Variants in MAP7 observed in about 807,000 individuals in gnomAD.
The protein encoded by MAP7 is ensconsin.
A neutral mutation model predicts 94.8 loss-of-function variants in MAP7; 52 were observed. The ratio of observed to expected loss-of-function variants is 0.55; its 90% CI spans 0.44 to 0.69. MAP7 has a LOEUF of 0.69. Among genes scored for constraint, MAP7 ranks in the 30% least tolerant of loss-of-function variants. The pLI is 0.00. For synonymous variants in MAP7, 350 were observed against 357.0 expected (o/e 0.98, Z 0.22); for missense variants, 940 against 964.6 (o/e 0.97, Z 0.34).
intron 1 of MAP7, among the ~76,000 whole-genome samples, chr6:136,469,638 G>C (rs746190459): frequency 1.3e-5 from 2 of 152,006 alleles, no homozygotes; most frequent in Non-Finnish European, 2.9e-5. Context: ...CTCCCGTGTC[G>C]GCCTCCCAAA....
At chr6:136,389,297 T>G in intron 4 of MAP7, 57 bp downstream of exon 4, 1 of 1,497,412 alleles carries the variant, frequency 6.7e-7, no homozygotes. Context: ...TCACAGAAAG[T>G]TTGCTGCATG....
intron 1 of MAP7, among the ~76,000 whole-genome samples, chr6:136,496,498 T>A (rs765304927): frequency 6.6e-6 from 1 of 151,850 alleles, no homozygotes; most frequent in Non-Finnish European, 1.5e-5. Context: ...TTCCACAAGA[T>A]CCTATCAATT....
chr6:136,469,863 A>C (rs577747503), intron 1 of MAP7, among the ~76,000 whole-genome samples: 7 of 152,326 alleles, frequency 4.6e-5, no homozygotes, highest in African/African-American at 1.7e-4. Context: ...AAATACAATA[A>C]ACATTTTGTA....
intron 1 of MAP7, among the ~76,000 whole-genome samples, chr6:136,491,790 G>A (rs902007728): frequency 3.3e-5 from 5 of 152,140 alleles, no homozygotes; most frequent in South Asian, 4.1e-4. Flanking sequence ...TCCTGCCCAC[G>A]TGATTGGCTG....
chr6:136,500,423 A>G (rs1819501359), intron 1 of MAP7, among the ~76,000 whole-genome samples: 1 of 152,222 alleles, frequency 6.6e-6, no homozygotes, highest in South Asian at 2.1e-4. Context: ...TTAATCTCTT[A>G]ACATCTAAGT....
chr6:136,546,616 C>A (rs1217402459), intron 1 of MAP7, among the ~76,000 whole-genome samples: 1 of 152,140 alleles, frequency 6.6e-6, no homozygotes, highest in East Asian at 1.9e-4. Flanking sequence ...TCACTGAACT[C>A]CTCATAACCT....
intron 1 of MAP7, among the ~76,000 whole-genome samples, chr6:136,462,588 A>T (rs930374902): frequency 6.6e-6 from 1 of 152,172 alleles, no homozygotes; most frequent in Non-Finnish European, 1.5e-5. Context: ...ACCTAGGTGG[A>T]GGGAAAGTTA....
chr6:136,513,357 T>G (rs1823810491), intron 1 of MAP7, among the ~76,000 whole-genome samples: 1 of 152,212 alleles, frequency 6.6e-6, no homozygotes, highest in Non-Finnish European at 1.5e-5. Context: ...TTCAACAATG[T>G]TCACAGCGTC....
Position 136,431,523 on chromosome 6 carries a change from TATTTA to T in MAP7, c.68-9729_68-9725del, listed in dbSNP as rs1375588911. Among the ~76,000 whole-genome samples, 571 of 145,094 alleles carry T rather than the reference TATTTA, an allele frequency of 3.9e-3. 4 individuals are homozygous for T. Among genetic ancestry groups the T allele is most frequent in the African/African-American group, 0.015 (547 of 37,328 alleles). ...TTATTTATTTATTTATTTATTTATTTATTTAATTTTTTGAGACGGAGTCTTGCTAT... is the reference window on the plus strand; with the variant it reads ...TTATTTATTTATTTATTTATTTATTTATTTTTTGAGACGGAGTCTTGCTAT... On this transcript the variant is annotated intron_variant, in intron 1 of 17. Coordinates refer to ENST00000354570, the MANE Select transcript of MAP7 (RefSeq NM_003980.6).
chr6:136,516,847 A>G (rs565456173), intron 1 of MAP7, among the ~76,000 whole-genome samples: 1 of 152,278 alleles, frequency 6.6e-6, no homozygotes, highest in East Asian at 1.9e-4. Flanking sequence ...TCCCCAGTGT[A>G]AGCATCCATA....
intron 3 of MAP7, among the ~76,000 whole-genome samples, chr6:136,397,304 A>G (rs1434342174): frequency 1.3e-5 from 2 of 152,090 alleles, no homozygotes; most frequent in African/African-American, 4.8e-5. Context: ...GTTTTTTTTT[A>G]AAGGGAAAAA....
At chr6:136,470,112 G>A (rs1440459486) in intron 1 of MAP7, among the ~76,000 whole-genome samples, 1 of 152,100 alleles carries the variant, frequency 6.6e-6, no homozygotes, top group Non-Finnish European at 1.5e-5. Flanking sequence ...GCTAACATGT[G>A]GAGGCCCTTC....
At chr6:136,490,130 T>C (rs893731745) in intron 1 of MAP7, among the ~76,000 whole-genome samples, 1 of 152,158 alleles carries the variant, frequency 6.6e-6, no homozygotes, top group Non-Finnish European at 1.5e-5. Flanking sequence ...ATTAACCCTG[T>C]GGTTATTATT....
chr6:136,421,503 T>C (rs1280736848), intron 2 of MAP7, among the ~76,000 whole-genome samples, 198 bp downstream of exon 2: 3 of 152,216 alleles, frequency 2.0e-5, no homozygotes, highest in Non-Finnish European at 4.4e-5. Flanking sequence ...AAGGCTTGGC[T>C]TTGAGAGGTT....
intron 5 of MAP7, among the ~76,000 whole-genome samples, chr6:136,384,300 T>C (rs1244993180): frequency 6.6e-6 from 1 of 152,114 alleles, no homozygotes; most frequent in Non-Finnish European, 1.5e-5. Context: ...GTTGTTGTTG[T>C]TTAAATAAAA....
At chr6:136,377,893 T>C in intron 6 of MAP7, 25 bp from the exon 7 acceptor site, 3 of 1,523,992 alleles carry the variant, frequency 2.0e-6, no homozygotes, top group Non-Finnish European at 1.8e-6. Flanking sequence ...ATAAGCAAGA[T>C]GTTAGAAGCA....
At chr6:136,395,790 C>A (rs1194803102) in intron 3 of MAP7, among the ~76,000 whole-genome samples, 6 of 152,124 alleles carry the variant, frequency 3.9e-5, no homozygotes, top group Admixed American at 2.0e-4. Context: ...CCAGTTTTCC[C>A]AGCACCATTT....
At chr6:136,492,037 T>C (rs1264522344) in intron 1 of MAP7, among the ~76,000 whole-genome samples, 1 of 151,924 alleles carries the variant, frequency 6.6e-6, no homozygotes, top group Non-Finnish European at 1.5e-5. Context: ...CAAAAGAAGG[T>C]GATTAGGACA....
chr6:136,480,586 G>A (rs573574941), intron 1 of MAP7, among the ~76,000 whole-genome samples: 3 of 134,358 alleles, frequency 2.2e-5, no homozygotes, highest in African/African-American at 8.3e-5. Flanking sequence ...AGCTTGCAGT[G>A]AGTCAAGATT....
Sources: gnomAD v4.1 joint callset for allele counts (sites outside exome capture counted in the v4.1 genomes callset) on GRCh38, gnomAD v4.1.1 for gene constraint, MANE v1.5 for transcripts, NCBI Gene and HGNC (gene_info 2026-07-23, HGNC 2026-07-21) for gene names.